PTPRR: variants seen among roughly 807,000 people sequenced by gnomAD.
PTPRR encodes receptor-type tyrosine-protein phosphatase R.
In PTPRR, 38 loss-of-function variants were observed where a neutral mutation model predicts 77.2. That is an observed-to-expected ratio of 0.49 (90% CI 0.38 to 0.65). The LOEUF is 0.65. PTPRR is among the 30% of genes least tolerant of loss of function. The probability of loss-of-function intolerance (pLI) is 0.00; values close to 1 mark genes in which losing one functional copy is unlikely to be tolerated. For synonymous variants in PTPRR, 299 were observed against 283.1 expected, an observed-to-expected ratio of 1.06 and a Z score of -0.57; for missense variants, 744 against 799.2, an observed-to-expected ratio of 0.93 and a Z score of 0.83.
At chr12:70,682,299 T>C (rs982887620) in intron 10 of PTPRR, among the ~76,000 whole-genome samples, 2 of 152,054 alleles carry the variant, frequency 1.3e-5, no homozygotes, top group African/African-American at 4.8e-5. Flanking sequence ...CGCCTCGGCC[T>C]CCCAAAGTGC....
chr12:70,736,619 G>T (rs976752465), intron 6 of PTPRR, among the ~76,000 whole-genome samples: 2 of 152,162 alleles, frequency 1.3e-5, no homozygotes, highest in African/African-American at 4.8e-5. Flanking sequence ...AAGTCCCTTG[G>T]GTTGGTGAAA....
chr12:70,837,357 C>G (rs1328905784), intron 2 of PTPRR, among the ~76,000 whole-genome samples: 1 of 152,084 alleles, frequency 6.6e-6, no homozygotes, highest in Non-Finnish European at 1.5e-5. Flanking sequence ...CCTTGATAAG[C>G]ACTAATCAGC....
At chr12:70,808,365 C>A (rs553216296) in intron 2 of PTPRR, among the ~76,000 whole-genome samples, 1 of 152,188 alleles carries the variant, frequency 6.6e-6, no homozygotes, top group South Asian at 2.1e-4. Context: ...TTTTGTTGCC[C>A]TTAAAGCATG....
chr12:70,763,616 C>G (rs1355909068), intron 3 of PTPRR, among the ~76,000 whole-genome samples: 4 of 152,114 alleles, frequency 2.6e-5, no homozygotes, highest in African/African-American at 9.7e-5. Context: ...AAACAAAAAG[C>G]AAATTCCCTC....
intron 2 of PTPRR, among the ~76,000 whole-genome samples, chr12:70,836,137 T>A (rs1432143284): frequency 6.6e-6 from 1 of 152,106 alleles, no homozygotes; most frequent in Non-Finnish European, 1.5e-5. Context: ...CCTGGTGATG[T>A]CATTCACTAG....
chr12:70,905,066 C>T (rs1227132401), intron 1 of PTPRR, among the ~76,000 whole-genome samples: 1 of 145,020 alleles, frequency 6.9e-6, no homozygotes, highest in Non-Finnish European at 1.5e-5. Context: ...AATTAGTAGA[C>T]TGAACTCCCC....
chr12:70,783,726 C>CA (rs1488639172), intron 2 of PTPRR, among the ~76,000 whole-genome samples: 4 of 152,138 alleles, frequency 2.6e-5, no homozygotes, highest in African/African-American at 7.2e-5. Context: ...GTCTGCCTCC[C>CA]ATGGCTATCC....
At chr12:70,752,192 T>C (rs1890421947) in intron 5 of PTPRR, among the ~76,000 whole-genome samples, 1 of 152,196 alleles carries the variant, frequency 6.6e-6, no homozygotes, top group Non-Finnish European at 1.5e-5. Flanking sequence ...TTTTCTCCTT[T>C]GCCCACAGCA....
intron 8 of PTPRR, among the ~76,000 whole-genome samples, chr12:70,690,247 C>T (rs936128217): frequency 6.6e-6 from 1 of 152,172 alleles, no homozygotes; most frequent in African/African-American, 2.4e-5. Context: ...ATTTAAACCA[C>T]TGTTATTTGG....
At chr12:70,689,965 A>T (rs1034239606) in intron 8 of PTPRR, among the ~76,000 whole-genome samples, 15 of 152,202 alleles carry the variant, frequency 9.9e-5, no homozygotes, top group Non-Finnish European at 1.9e-4. Flanking sequence ...CGGCCATGTG[A>T]CTAAGTTTTC....
rs1287865544 is a variant in PTPRR, at chr12:70,734,473, G to A, written c.1007+11345C>T. 2.0e-5 allele frequency among the ~76,000 whole-genome samples: 3 copies of A among 152,306 alleles called. No homozygotes were observed. The East Asian group carries it at 5.8e-4, about 29-fold the overall frequency. On this transcript the variant is annotated intron_variant, in intron 6 of 13. Transcript: ENST00000283228. ...CTGTAAAGCTGGAAGCAGTGTCCTGGATGGGGTTGCAGGCTAATGGATGTT... is the reference window on the plus strand; with the variant it reads ...CTGTAAAGCTGGAAGCAGTGTCCTGAATGGGGTTGCAGGCTAATGGATGTT...
At chr12:70,804,435 T>G (rs973058923) in intron 2 of PTPRR, among the ~76,000 whole-genome samples, 12 of 151,992 alleles carry the variant, frequency 7.9e-5, no homozygotes, top group African/African-American at 2.7e-4. Flanking sequence ...GATATACACC[T>G]GTAGTCCCAG....
intron 2 of PTPRR, among the ~76,000 whole-genome samples, chr12:70,835,907 A>G (rs1309510732): frequency 6.6e-6 from 1 of 152,066 alleles, no homozygotes; most frequent in Non-Finnish European, 1.5e-5. Flanking sequence ...GTAAACTCCT[A>G]CTTAGCTAAC....
intron 10 of PTPRR, among the ~76,000 whole-genome samples, chr12:70,671,269 C>A (rs148061335): frequency 6.6e-6 from 1 of 151,940 alleles, no homozygotes; most frequent in East Asian, 1.9e-4. Flanking sequence ...ATTATATTTA[C>A]GTCTTTGGAG....
At chr12:70,889,242 A>G (rs1893293013) in intron 2 of PTPRR, among the ~76,000 whole-genome samples, 1 of 152,224 alleles carries the variant, frequency 6.6e-6, no homozygotes, top group African/African-American at 2.4e-5. Context: ...CAATTTGTCT[A>G]TTGAAAAAGT....
chr12:70,919,317 G>A (rs77972249), intron 1 of PTPRR, among the ~76,000 whole-genome samples: 508 of 152,274 alleles, frequency 3.3e-3, no homozygotes, highest in African/African-American at 4.0e-3. Context: ...AAAATGCCTC[G>A]TCTCTGGTTG....
rs149038170 is a variant in PTPRR, at chr12:70,875,087, G to A, written c.357+17592C>T. Among the ~76,000 whole-genome samples, 488 of 152,184 alleles carry A rather than the reference G, an allele frequency of 3.2e-3. 6 individuals are homozygous for A. Among genetic ancestry groups the A allele is most frequent in the Admixed American group, 0.021 (325 of 15,278 alleles). On this transcript the variant is annotated intron_variant, in intron 2 of 13. Transcript: ENST00000283228. Reference sequence around the variant, plus strand: ...TGTGAATTATCATTCATAGAGGAATGGTTGAATAACTTATGGTATAACCAT... The same window carrying A: ...TGTGAATTATCATTCATAGAGGAATAGTTGAATAACTTATGGTATAACCAT...
At chr12:70,748,990 G>A (rs1320238760) in intron 5 of PTPRR, among the ~76,000 whole-genome samples, 10 of 152,168 alleles carry the variant, frequency 6.6e-5, no homozygotes, top group Non-Finnish European at 1.3e-4. Flanking sequence ...AGTACTAAGT[G>A]CAAAAATAGA....
At chr12:70,875,330 T>C (rs1463558909) in intron 2 of PTPRR, among the ~76,000 whole-genome samples, 1 of 152,222 alleles carries the variant, frequency 6.6e-6, no homozygotes, top group Non-Finnish European at 1.5e-5. Context: ...TGATTGTGCA[T>C]GTATGAGTGT....
Sources: allele counts gnomAD v4.1 joint callset (sites outside exome capture counted in the v4.1 genomes callset), GRCh38; gene constraint gnomAD v4.1.1; transcripts MANE v1.5; gene names NCBI Gene and HGNC (gene_info 2026-07-23, HGNC 2026-07-21).